The following SPMIP7 variants were observed in gnomAD, a reference collection of about 807,000 sequenced individuals.
SPMIP7 encodes the protein protein SPMIP7.
chr7:50,124,742 T>G, the SPMIP7 span, among the ~76,000 whole-genome samples: 1 of 152,168 alleles, frequency 6.6e-6, no homozygotes, highest in African/African-American at 2.4e-5. Flanking sequence ...GAAGAAAAAT[T>G]AGCCTTATTT....
chr7:50,141,541 C>T, the SPMIP7 span: 1 of 591,524 alleles, frequency 1.7e-6, no homozygotes. Context: ...TGTGGTTTGT[C>T]ACAAAGGAGA....
At chr7:50,135,205 G>A in the SPMIP7 span, among the ~76,000 whole-genome samples, 3 of 152,280 alleles carry the variant, frequency 2.0e-5, no homozygotes, top group South Asian at 4.1e-4. Context: ...CCCAACACTG[G>A]ATTAGATGTC....
At chr7:50,149,959 T>C in the SPMIP7 span, among the ~76,000 whole-genome samples, 1 of 152,248 alleles carries the variant, frequency 6.6e-6, no homozygotes, top group Non-Finnish European at 1.5e-5. Context: ...TCCAAAAGAC[T>C]ATGTCCAGTC....
chr7:50,159,072 A>G, the SPMIP7 span: 1 of 1,551,732 alleles, frequency 6.4e-7, no homozygotes, highest in Admixed American at 2.0e-5. Flanking sequence ...ATGGCAGTTG[A>G]CCTCTTCCGT....
chr7:50,154,630 C>T, the SPMIP7 span, among the ~76,000 whole-genome samples: 275 of 152,278 alleles, frequency 1.8e-3, 1 homozygote, highest in South Asian at 5.8e-3. Flanking sequence ...CAACAGACAT[C>T]GAGGTTGTGT....
At chr7:50,142,161 A>C in the SPMIP7 span, 4 of 152,336 alleles carry the variant, frequency 2.6e-5, no homozygotes, top group Non-Finnish European at 5.9e-5. Flanking sequence ...ATAATTCTAA[A>C]AATCTAAAGG....
At chr7:50,154,366 G>A in the SPMIP7 span, among the ~76,000 whole-genome samples, 1 of 152,108 alleles carries the variant, frequency 6.6e-6, no homozygotes, top group African/African-American at 2.4e-5. Flanking sequence ...CTGCTACTTA[G>A]CATCCTTTGA....
At chr7:50,130,690 GC>G in the SPMIP7 span, among the ~76,000 whole-genome samples, 1 of 152,052 alleles carries the variant, frequency 6.6e-6, no homozygotes, top group Admixed American at 6.6e-5. Context: ...AGGGTAGCAG[GC>G]TTCAGTAATA....
At chr7:50,119,560 T>A in the SPMIP7 span, among the ~76,000 whole-genome samples, 1 of 152,170 alleles carries the variant, frequency 6.6e-6, no homozygotes, top group African/African-American at 2.4e-5. Context: ...CAGGAAACGA[T>A]TCCACTAATG....
the SPMIP7 span, chr7:50,129,618 T>TGAAGAAAAAGGAATCCA: frequency 1.2e-6 from 1 of 824,064 alleles, no homozygotes; most frequent in Non-Finnish European, 2.0e-6. Context: ...AGAAGAAATA[T>TGAAGAAAAAGGAATCCA]GAAGAAAAAG....
At chr7:50,108,082 A>C in the SPMIP7 span, among the ~76,000 whole-genome samples, 1 of 152,216 alleles carries the variant, frequency 6.6e-6, no homozygotes, top group Admixed American at 6.5e-5. Flanking sequence ...TAGGACATAA[A>C]GGAAGTTCTA....
At chr7:50,127,303 A>G in the SPMIP7 span, among the ~76,000 whole-genome samples, 1 of 152,152 alleles carries the variant, frequency 6.6e-6, no homozygotes, top group Non-Finnish European at 1.5e-5. Flanking sequence ...CTCTGAAACT[A>G]TTAGAAAAAA....
the SPMIP7 span, among the ~76,000 whole-genome samples, chr7:50,106,262 A>G: frequency 1.3e-5 from 2 of 152,176 alleles, no homozygotes; most frequent in Non-Finnish European, 2.9e-5. Context: ...AGAATTTGCA[A>G]TTTTTGAAGA....
chr7:50,096,683 G>A, the SPMIP7 span: 1 of 1,421,546 alleles, frequency 7.0e-7, no homozygotes, highest in Non-Finnish European at 9.3e-7. Flanking sequence ...ATGCTCAAGG[G>A]AAGAGAGTAT....
the SPMIP7 span, among the ~76,000 whole-genome samples, chr7:50,118,445 C>G: frequency 6.6e-6 from 1 of 152,146 alleles, no homozygotes; most frequent in Non-Finnish European, 1.5e-5. Flanking sequence ...ACAATAAAAA[C>G]TTCAGGTGGT....
At chr7:50,101,716 A>G in the SPMIP7 span, among the ~76,000 whole-genome samples, 118,995 of 152,128 alleles carry the variant, frequency 0.78, 46,616 homozygotes, top group East Asian at 0.88. Flanking sequence ...GCTCCAAATA[A>G]GATAGATACC....
the SPMIP7 span, chr7:50,159,219 G>A: frequency 6.5e-7 from 1 of 1,536,808 alleles, no homozygotes; most frequent in East Asian, 2.5e-5. Flanking sequence ...GGGAAGGCTT[G>A]TGCGGCGGTG....
chr7:50,134,182 C>A, the SPMIP7 span: 14 of 1,550,594 alleles, frequency 9.0e-6, no homozygotes, highest in Non-Finnish European at 1.1e-5. Flanking sequence ...TTGGAAAAAA[C>A]CGCTGACCCC....
At chr7:50,135,219 G>C in the SPMIP7 span, among the ~76,000 whole-genome samples, 3 of 152,194 alleles carry the variant, frequency 2.0e-5, no homozygotes, top group Non-Finnish European at 4.4e-5. Flanking sequence ...AGATGTCTCA[G>C]CTCTGTGCTT....
Sources: gnomAD v4.1 joint callset for allele counts (sites outside exome capture counted in the v4.1 genomes callset) on GRCh38, gnomAD v4.1.1 for gene constraint, MANE v1.5 for transcripts, NCBI Gene and HGNC (gene_info 2026-07-23, HGNC 2026-07-21) for gene names.